Variants in DLG2 observed in about 807,000 individuals in gnomAD.
DLG2 encodes the protein disks large homolog 2.
A neutral mutation model predicts 132.5 loss-of-function variants in DLG2; 45 were observed. The ratio of observed to expected loss-of-function variants is 0.34; its 90% confidence interval spans 0.27 to 0.44. The LOEUF is 0.44. DLG2 is among the 20% of genes least tolerant of loss of function. The pLI, the probability that DLG2 is intolerant of heterozygous loss-of-function variation, is 1.00. For synonymous variants in DLG2, 424 were observed against 419.6 expected (o/e 1.01, Z -0.13); for missense variants, 1,045 against 1,196.9 (o/e 0.87, Z 1.87).
At chr11:84,018,521 T>C (rs1021190261) in intron 11 of DLG2, among the ~76,000 whole-genome samples, 5 of 152,006 alleles carry the variant, frequency 3.3e-5, no homozygotes, top group African/African-American at 9.7e-5. Context: ...ACCTTAAGAA[T>C]TGAACATTAA....
At chr11:83,630,896 C>G (rs956721879) in intron 19 of DLG2, among the ~76,000 whole-genome samples, 1 of 152,114 alleles carries the variant, frequency 6.6e-6, no homozygotes, top group African/African-American at 2.4e-5. Flanking sequence ...AGGAGAATAA[C>G]ACCATTTTCA....
chr11:84,327,608 T>A (rs976399387), intron 7 of DLG2, among the ~76,000 whole-genome samples: 5 of 152,194 alleles, frequency 3.3e-5, no homozygotes, highest in African/African-American at 1.2e-4. Context: ...GTTTTGTGGT[T>A]ACCATGAAGC....
intron 19 of DLG2, among the ~76,000 whole-genome samples, chr11:83,579,164 T>C (rs2096928611): frequency 2.0e-5 from 3 of 152,208 alleles, no homozygotes; most frequent in Admixed American, 2.0e-4. Context: ...AAGCAATGTG[T>C]TGTGGTAAGC....
In DLG2 at chr11:85,285,727, G is replaced by T. The variant is rs554837016; in HGVS notation, c.41-362C>A. On this transcript the variant is annotated intron_variant, in intron 3 of 27. Transcript: ENST00000376104. ...TAAGTGAAAGAAGTCAGTCTGGAAA[G>T]GATACATACTGTATGATTCCACCTA... Among the ~76,000 whole-genome samples, 5 of 152,008 alleles carry T rather than the reference G, an allele frequency of 3.3e-5. No homozygotes were observed. In the East Asian group the frequency reaches 9.7e-4, roughly 29 times the overall value.
At chr11:84,023,118 T>C (rs1460717332) in intron 11 of DLG2, among the ~76,000 whole-genome samples, 1 of 152,160 alleles carries the variant, frequency 6.6e-6, no homozygotes, top group African/African-American at 2.4e-5. Flanking sequence ...AACTAGAAGA[T>C]TCAATGAGTT....
At chr11:84,959,623 T>A (rs995363275) in intron 6 of DLG2, among the ~76,000 whole-genome samples, 3 of 152,232 alleles carry the variant, frequency 2.0e-5, no homozygotes, top group Non-Finnish European at 4.4e-5. Context: ...AAAATAATTG[T>A]AATATCTGTA....
intron 7 of DLG2, among the ~76,000 whole-genome samples, chr11:84,289,638 G>C (rs537437609): frequency 1.3e-5 from 2 of 152,246 alleles, no homozygotes; most frequent in African/African-American, 4.8e-5. Context: ...TAAAGCTACA[G>C]TCTAACCTCC....
chr11:85,246,098 A>G (rs1341724121), intron 4 of DLG2, among the ~76,000 whole-genome samples: 1 of 151,968 alleles, frequency 6.6e-6, no homozygotes, highest in Non-Finnish European at 1.5e-5. Context: ...TTTATTGTCT[A>G]TAGCACCATG....
intron 7 of DLG2, among the ~76,000 whole-genome samples, chr11:84,335,635 A>T (rs1292630245): frequency 6.6e-6 from 1 of 152,216 alleles, no homozygotes; most frequent in African/African-American, 2.4e-5. Context: ...CTCATGGAGT[A>T]CACAAAAGCT....
chr11:85,501,483 A>T (rs1565594710), intron 3 of DLG2, among the ~76,000 whole-genome samples: 1 of 152,224 alleles, frequency 6.6e-6, no homozygotes, highest in Non-Finnish European at 1.5e-5. Context: ...TGAACAGGCA[A>T]CCTACAGAAC....
Position 84,099,575 on chromosome 11 carries a change from T to C in DLG2, c.625-528A>G, listed in dbSNP as rs2092229009. On this transcript the variant is annotated intron_variant, in intron 9 of 27. Transcript: ENST00000376104. ...AAGACAAGGCCCCCTTCTAGAATCA[T>C]AATACATGAGAGATACTTTTGAACA... Among the ~76,000 whole-genome samples the C allele has an allele frequency of 2.0e-5, 3 of 151,760 alleles. No individual in the cohort carries two copies. The South Asian group carries it at 6.2e-4, about 31-fold the overall frequency.
chr11:84,542,128 T>TGACAGA (rs2099374704), intron 6 of DLG2, among the ~76,000 whole-genome samples: 1 of 146,934 alleles, frequency 6.8e-6, no homozygotes, highest in Admixed American at 6.8e-5. Context: ...ACAGTACTGA[T>TGACAGA]GAGAGAGAGA....
At chr11:84,667,483 TG>T (rs1165556554) in intron 6 of DLG2, among the ~76,000 whole-genome samples, 1 of 36,420 alleles carries the variant, frequency 2.7e-5, no homozygotes. Context: ...TTTTTGTTTT[TG>T]TTTTTTGTTT....
At chr11:83,931,490 C>G (rs2080213081) in intron 14 of DLG2, among the ~76,000 whole-genome samples, 1 of 152,174 alleles carries the variant, frequency 6.6e-6, no homozygotes, top group Non-Finnish European at 1.5e-5. Context: ...TTCTCCTAGT[C>G]CTTTTACCTC....
At chr11:84,939,106 A>G (rs1279655891) in intron 6 of DLG2, among the ~76,000 whole-genome samples, 1 of 152,118 alleles carries the variant, frequency 6.6e-6, no homozygotes, top group Admixed American at 6.5e-5. Context: ...AAAAATACAA[A>G]ATTACATGAG....
intron 4 of DLG2, among the ~76,000 whole-genome samples, chr11:85,202,215 G>C (rs1298620873): frequency 2.0e-5 from 3 of 151,034 alleles, no homozygotes; most frequent in Non-Finnish European, 4.4e-5. Context: ...AAGGTGAAAG[G>C]TGAACAAGCA....
intron 15 of DLG2, among the ~76,000 whole-genome samples, chr11:83,891,232 G>A (rs1169088427): frequency 6.6e-6 from 1 of 151,302 alleles, no homozygotes; most frequent in Non-Finnish European, 1.5e-5. Flanking sequence ...AAACATTATA[G>A]GATGAGTAGC....
At chr11:84,648,893 T>A (rs1204632616) in intron 6 of DLG2, among the ~76,000 whole-genome samples, 1 of 152,164 alleles carries the variant, frequency 6.6e-6, no homozygotes, top group Non-Finnish European at 1.5e-5. Context: ...ATAAAAATTT[T>A]TTTCTTTATA....
At chr11:84,890,014 T>A (rs1269155322) in intron 6 of DLG2, among the ~76,000 whole-genome samples, 2 of 152,212 alleles carry the variant, frequency 1.3e-5, no homozygotes, top group Non-Finnish European at 2.9e-5. Flanking sequence ...GATAGTCATA[T>A]GATAGTAGAA....
Sources: allele counts gnomAD v4.1 joint callset (sites outside exome capture counted in the v4.1 genomes callset), GRCh38; gene constraint gnomAD v4.1.1; transcripts MANE v1.5; gene names NCBI Gene and HGNC (gene_info 2026-07-23, HGNC 2026-07-21).